Variants in NRXN1 observed in about 807,000 individuals in gnomAD.
The protein encoded by NRXN1 is neurexin-1.
In NRXN1, 39 loss-of-function variants were observed where a neutral mutation model predicts 150.9. The ratio of observed to expected loss-of-function variants is 0.26; its 90% CI spans 0.20 to 0.34. The LOEUF (loss-of-function observed/expected upper bound fraction) is 0.34, where lower values mean the gene tolerates loss of function less well. NRXN1 is among the 10% of genes least tolerant of loss of function. NRXN1 has a pLI of 1.00. For synonymous variants in NRXN1, 924 were observed against 757.0 expected, an observed-to-expected ratio of 1.22 and a Z score of -3.62; for missense variants, 1,815 against 1,949.9, an observed-to-expected ratio of 0.93 and a Z score of 1.30.
chr2:50,422,659 A>G (rs780280807), intron 17 of NRXN1, among the ~76,000 whole-genome samples: 6 of 152,142 alleles, frequency 3.9e-5, no homozygotes, highest in Admixed American at 3.9e-4. Flanking sequence ...CTCCTCATCA[A>G]TCTAGATCAA....
chr2:50,949,393 T>C (rs1447947316), intron 2 of NRXN1, among the ~76,000 whole-genome samples: 2 of 151,992 alleles, frequency 1.3e-5, no homozygotes, highest in Non-Finnish European at 2.9e-5. Context: ...CATCAAGAAA[T>C]AGACTTGGCT....
chr2:49,996,167 G>C (rs1682963029), intron 21 of NRXN1, among the ~76,000 whole-genome samples: 1 of 152,150 alleles, frequency 6.6e-6, no homozygotes, highest in South Asian at 2.1e-4. Flanking sequence ...TGAGAGTCAT[G>C]AGAAGTATAA....
At chr2:51,002,224 C>G (rs1700163222) in intron 2 of NRXN1, among the ~76,000 whole-genome samples, 1 of 151,976 alleles carries the variant, frequency 6.6e-6, no homozygotes, top group East Asian at 2.0e-4. Context: ...GAACTTCAAC[C>G]ATGAACCCAG....
intron 17 of NRXN1, among the ~76,000 whole-genome samples, chr2:50,383,303 T>A (rs2081100086): frequency 6.6e-6 from 1 of 152,050 alleles, no homozygotes; most frequent in African/African-American, 2.4e-5. Context: ...ACGCGGCCTG[T>A]TTTCCATTCA....
intron 8 of NRXN1, among the ~76,000 whole-genome samples, chr2:50,556,251 G>T (rs994758883): frequency 2.0e-5 from 3 of 152,062 alleles, no homozygotes; most frequent in Non-Finnish European, 4.4e-5. Context: ...ATAATGAGTA[G>T]CTAGTAAGTA....
chr2:50,861,700 G>A (rs1008747155), intron 5 of NRXN1, among the ~76,000 whole-genome samples: 1 of 151,994 alleles, frequency 6.6e-6, no homozygotes, highest in African/African-American at 2.4e-5. Context: ...CAAATGTAGG[G>A]TGTGGCTATA....
At chr2:50,671,283 T>G (rs762782964) in intron 5 of NRXN1, among the ~76,000 whole-genome samples, 3 of 151,718 alleles carry the variant, frequency 2.0e-5, no homozygotes, top group Non-Finnish European at 4.4e-5. Context: ...CTATTCTATA[T>G]AGTATATAAG....
At chr2:50,475,719 T>C (rs889989928) in intron 15 of NRXN1, among the ~76,000 whole-genome samples, 4 of 152,106 alleles carry the variant, frequency 2.6e-5, no homozygotes, top group African/African-American at 9.7e-5. Flanking sequence ...GTACTGTTTA[T>C]AAACTCTTTG....
chr2:50,155,224 A>G (rs1249248092), intron 18 of NRXN1, among the ~76,000 whole-genome samples: 1 of 151,644 alleles, frequency 6.6e-6, no homozygotes, highest in African/African-American at 2.4e-5. Context: ...TCCTTTCTTA[A>G]TATATCCCAG....
intron 22 of NRXN1, among the ~76,000 whole-genome samples, chr2:49,923,544 CAAG>C (rs1668582440): frequency 6.6e-6 from 1 of 152,078 alleles, no homozygotes; most frequent in Non-Finnish European, 1.5e-5. Flanking sequence ...ACTGAAAACT[CAAG>C]AAGACTAAAA....
chr2:50,365,030 C>G (rs143297707), intron 17 of NRXN1, among the ~76,000 whole-genome samples: 1 of 151,956 alleles, frequency 6.6e-6, no homozygotes. Context: ...AGGCTTTACA[C>G]AGCATGGCAA....
chr2:50,536,929 G>C (rs1296926644), intron 10 of NRXN1, among the ~76,000 whole-genome samples: 1 of 152,150 alleles, frequency 6.6e-6, no homozygotes, highest in African/African-American at 2.4e-5. Context: ...GAATATATCT[G>C]TATCTATGTG....
chr2:50,952,106 A>G (rs1370459616), intron 2 of NRXN1, among the ~76,000 whole-genome samples: 2 of 150,198 alleles, frequency 1.3e-5, no homozygotes, highest in Non-Finnish European at 3.0e-5. Context: ...AGCTGGGACT[A>G]TAGGCGCCTG....
chr2:50,275,859 T>G (rs546146185), intron 17 of NRXN1, among the ~76,000 whole-genome samples: 2 of 152,064 alleles, frequency 1.3e-5, no homozygotes, highest in Non-Finnish European at 2.9e-5. Flanking sequence ...TAGCAGTGAA[T>G]TGCTGTATAA....
At chr2:50,189,823 G>C (rs1039098890) in intron 18 of NRXN1, among the ~76,000 whole-genome samples, 3 of 152,062 alleles carry the variant, frequency 2.0e-5, no homozygotes, top group Non-Finnish European at 2.9e-5. Flanking sequence ...TATTGAATTA[G>C]TTTATCAATA....
At chr2:50,383,516 A>G (rs922954807) in intron 17 of NRXN1, among the ~76,000 whole-genome samples, 3 of 152,172 alleles carry the variant, frequency 2.0e-5, no homozygotes, top group African/African-American at 7.2e-5. Flanking sequence ...ATGGGGCACA[A>G]TGTGATGTTT....
At chr2:50,613,089 T>C (rs17040897) in intron 8 of NRXN1, among the ~76,000 whole-genome samples, 3,105 of 152,288 alleles carry the variant, frequency 0.02, 98 homozygotes, top group East Asian at 0.13. Flanking sequence ...AAACCCCATC[T>C]AGCTTTCTTG....
intron 5 of NRXN1, among the ~76,000 whole-genome samples, chr2:50,837,534 A>C (rs889971702): frequency 6.6e-6 from 1 of 152,142 alleles, no homozygotes; most frequent in Non-Finnish European, 1.5e-5. Context: ...TGAAAGATTT[A>C]AATGGCAACA....
chr2:50,431,244 T>C (rs1397189899), intron 17 of NRXN1, among the ~76,000 whole-genome samples: 2 of 152,216 alleles, frequency 1.3e-5, no homozygotes, highest in African/African-American at 4.8e-5. Flanking sequence ...CTAATCACAC[T>C]TAACACTATC....
Sources: allele counts gnomAD v4.1 joint callset (sites outside exome capture counted in the v4.1 genomes callset), GRCh38; gene constraint gnomAD v4.1.1; transcripts MANE v1.5; gene names NCBI Gene and HGNC (gene_info 2026-07-23, HGNC 2026-07-21).